TRABD2B: variants seen among roughly 807,000 people sequenced by gnomAD.
TRABD2B encodes metalloprotease TIKI2.
In TRABD2B, 14 loss-of-function variants were observed where a neutral mutation model predicts 40.1. The observed-to-expected ratio is 0.35, with a 90% CI of 0.23 to 0.55. The LOEUF (loss-of-function observed/expected upper bound fraction) is 0.55. Among genes scored for constraint, TRABD2B ranks in the 20% least tolerant of loss-of-function variants. The pLI is 0.90. For synonymous variants in TRABD2B, 263 were observed against 277.0 expected (o/e 0.95, Z 0.50); for missense variants, 541 against 648.6 (o/e 0.83, Z 1.80).
chr1:47,920,128 T>C (rs907404420), intron 2 of TRABD2B, among the ~76,000 whole-genome samples: 1 of 152,218 alleles, frequency 6.6e-6, no homozygotes, highest in African/African-American at 2.4e-5. Flanking sequence ...ACCTGTATCA[T>C]AGGGTTTTCC....
chr1:47,787,020 A>G (rs1264158361), intron 4 of TRABD2B, among the ~76,000 whole-genome samples: 1 of 152,066 alleles, frequency 6.6e-6, no homozygotes, highest in Non-Finnish European at 1.5e-5. Flanking sequence ...CTTGTTTCCA[A>G]GGTGAAAAAG....
At chr1:47,878,362 T>C (rs72894281) in intron 2 of TRABD2B, among the ~76,000 whole-genome samples, 4,034 of 152,098 alleles carry the variant, frequency 0.027, 202 homozygotes, top group African/African-American at 0.094. Context: ...TTTCAGTGAG[T>C]AGGTTATAAT....
rs548546748 is a variant in TRABD2B at position 47,779,473 on chromosome 1, T to C, written c.989-929A>G. Among the ~76,000 whole-genome samples, 4 of 152,316 alleles carry C rather than the reference T, an allele frequency of 2.6e-5. No individual in the cohort carries two copies. The East Asian group carries it at 7.7e-4, about 29-fold the overall frequency. On this transcript the variant is annotated intron_variant, in intron 4 of 6. Transcript: ENST00000606738. ...ACGATGAATACAGAAATGGGCAATT[T>C]AGTTGAAAGCCCCATTTGGGAGTGG...
At chr1:47,845,297 C>T (rs1490869171) in intron 2 of TRABD2B, among the ~76,000 whole-genome samples, 1 of 152,200 alleles carries the variant, frequency 6.6e-6, no homozygotes, top group African/African-American at 2.4e-5. Context: ...CCTACCCTGA[C>T]ATATTTTACC....
chr1:47,766,609 G>A (rs1644307093), intron 6 of TRABD2B, among the ~76,000 whole-genome samples: 1 of 152,182 alleles, frequency 6.6e-6, no homozygotes. Context: ...CACTTTCCAA[G>A]CAATATTTCT....
chr1:47,766,660 C>T (rs1371024496), intron 6 of TRABD2B, among the ~76,000 whole-genome samples: 1 of 152,200 alleles, frequency 6.6e-6, no homozygotes, highest in Non-Finnish European at 1.5e-5. Flanking sequence ...TCATTGCTCC[C>T]TTTCCATGAA....
intron 2 of TRABD2B, among the ~76,000 whole-genome samples, chr1:47,883,763 C>T (rs998727019): frequency 3.3e-5 from 5 of 152,220 alleles, no homozygotes; most frequent in Non-Finnish European, 5.9e-5. Flanking sequence ...TGTTCAGTCT[C>T]CATGATGTCT....
At chr1:47,832,608 G>C (rs1044342642) in intron 2 of TRABD2B, among the ~76,000 whole-genome samples, 1 of 152,098 alleles carries the variant, frequency 6.6e-6, no homozygotes, top group African/African-American at 2.4e-5. Context: ...GTGCTGAAGG[G>C]CTGCACTGTG....
chr1:47,896,128 T>C (rs907726990), intron 2 of TRABD2B, among the ~76,000 whole-genome samples: 17 of 152,334 alleles, frequency 1.1e-4, no homozygotes, highest in Admixed American at 5.9e-4. Context: ...CCAAACAAGC[T>C]ATCTTTATGA....
At chr1:47,848,623 G>T (rs1246093916) in intron 2 of TRABD2B, among the ~76,000 whole-genome samples, 1 of 152,188 alleles carries the variant, frequency 6.6e-6, no homozygotes, top group Non-Finnish European at 1.5e-5. Flanking sequence ...TTCTCAGCTT[G>T]CCCATGACAC....
intron 4 of TRABD2B, among the ~76,000 whole-genome samples, chr1:47,786,372 C>T (rs1258019402): frequency 6.6e-6 from 1 of 152,206 alleles, no homozygotes. Context: ...TGGGATCTGT[C>T]CTGGGGTGTG....
intron 2 of TRABD2B, among the ~76,000 whole-genome samples, chr1:47,980,784 C>T (rs1275556899): frequency 6.6e-6 from 1 of 152,184 alleles, no homozygotes; most frequent in Non-Finnish European, 1.5e-5. Context: ...CAGACTTTCT[C>T]CTCACACTCC....
At chr1:47,768,332 G>C (rs1057274417) in intron 6 of TRABD2B, among the ~76,000 whole-genome samples, 163 of 20,906 alleles carry the variant, frequency 7.8e-3, no homozygotes, top group African/African-American at 0.03. Context: ...TGTGGAAGTG[G>C]GGGGGGAGGG....
chr1:47,963,783 C>A (rs949967159), intron 2 of TRABD2B, among the ~76,000 whole-genome samples: 2 of 152,216 alleles, frequency 1.3e-5, no homozygotes, highest in Non-Finnish European at 1.5e-5. Context: ...TTCAAACACA[C>A]TTACATGTTT....
Position 47,801,509 on chromosome 1 carries a change from G to T in TRABD2B, c.777C>A (p.Asp259Glu). Residue 259 changes from aspartate (D) to glutamate (E), a missense_variant, in exon 3 of 7, where the codon GAC becomes GAA. Transcript: ENST00000606738. ...CGTGGTTGAAGATGACTGCGCTGAGGTCTCCGCAGTTGTAGTGCTTGATGA... is the reference window on the plus strand; with the variant it reads ...CGTGGTTGAAGATGACTGCGCTGAGTTCTCCGCAGTTGTAGTGCTTGATGA... ...EDLIKHYNCG[D>E]LSAVIFNHDT... 6.5e-7 allele frequency: 1 copy of T among 1,536,132 alleles called. No individual in the cohort carries two copies. Among genetic ancestry groups the T allele is most frequent in the Non-Finnish European group, 8.7e-7 (1 of 1,146,896 alleles).
chr1:47,826,449 T>C (rs1053350573), intron 2 of TRABD2B, among the ~76,000 whole-genome samples: 2 of 152,114 alleles, frequency 1.3e-5, no homozygotes, highest in Non-Finnish European at 2.9e-5. Flanking sequence ...TATATTTATT[T>C]CAAATAAATA....
chr1:47,977,186 C>A (rs1381026905), intron 2 of TRABD2B, among the ~76,000 whole-genome samples: 1 of 151,798 alleles, frequency 6.6e-6, no homozygotes, highest in Non-Finnish European at 1.5e-5. Flanking sequence ...GATGCTTATG[C>A]CTCAGCCTCC....
chr1:47,950,372 T>C (rs1183533141), intron 2 of TRABD2B, among the ~76,000 whole-genome samples: 1 of 152,122 alleles, frequency 6.6e-6, no homozygotes, highest in Non-Finnish European at 1.5e-5. Context: ...GCAAATCTAA[T>C]GGACCCTTTA....
chr1:47,968,855 T>C (rs1321149843), intron 2 of TRABD2B, among the ~76,000 whole-genome samples: 1 of 152,192 alleles, frequency 6.6e-6, no homozygotes, highest in Non-Finnish European at 1.5e-5. Flanking sequence ...CCCTGAACAT[T>C]GTTTTGTTTT....
Sources: allele counts gnomAD v4.1 joint callset (sites outside exome capture counted in the v4.1 genomes callset), GRCh38; gene constraint gnomAD v4.1.1; transcripts MANE v1.5; gene names NCBI Gene and HGNC (gene_info 2026-07-23, HGNC 2026-07-21).